RHOJ: variants seen among roughly 807,000 people sequenced by gnomAD.
RHOJ encodes rho-related GTP-binding protein RhoJ.
RHOJ carries 11 observed loss-of-function variants against 23.4 expected under a neutral mutation model. The observed-to-expected ratio is 0.47, with a 90% confidence interval of 0.30 to 0.78. RHOJ has a LOEUF of 0.78. Ranked by LOEUF, RHOJ falls within the 30% of genes least tolerant of loss-of-function variation. RHOJ has a pLI of 0.08. For missense variants in RHOJ, 254 were observed against 273.4 expected, an observed-to-expected ratio of 0.93 and a Z score of 0.50; for synonymous variants, 102 against 102.7, an observed-to-expected ratio of 0.99 and a Z score of 0.04.
intron 4 of RHOJ, among the ~76,000 whole-genome samples, chr14:63,289,183 A>T (rs1882173957): frequency 6.6e-6 from 1 of 152,210 alleles, no homozygotes; most frequent in Admixed American, 6.5e-5. Flanking sequence ...GCCCATGGTA[A>T]ATAGTTCATA....
chr14:63,204,740 A>G lies in RHOJ; in HGVS notation c.-130A>G. 1 of 843,538 alleles carries G rather than the reference A, an allele frequency of 1.2e-6. No homozygotes were observed. Among genetic ancestry groups the G allele is most frequent in the African/African-American group, 1.7e-5 (1 of 59,428 alleles). The allele number at this position is 843,538 out of a possible 1,614,324, so 52.3% of individuals were successfully genotyped here. A position where few individuals can be genotyped will look rare whatever the true frequency, so the allele number is the denominator to read the frequency against. On this transcript the variant is annotated 5_prime_UTR_variant, in exon 1 of 5. An upstream start codon of the reference 5' UTR is lost. Coordinates refer to ENST00000316754, the MANE Select transcript of RHOJ (RefSeq NM_020663.5). ...ATATCCCAGCCTCGGACATGTCTGT[A>G]TGATCCAAGGTACCCAAAGTCAGAC...
chr14:63,233,990 A>G (rs1894742414), intron 1 of RHOJ, among the ~76,000 whole-genome samples: 1 of 152,228 alleles, frequency 6.6e-6, no homozygotes, highest in African/African-American at 2.4e-5. Flanking sequence ...CACCCAAGTG[A>G]ACCCTGGGAT....
intron 1 of RHOJ, among the ~76,000 whole-genome samples, chr14:63,216,705 A>G (rs1019025026): frequency 2.0e-5 from 3 of 152,228 alleles, no homozygotes; most frequent in African/African-American, 7.2e-5. Context: ...AGAGTTTTCC[A>G]TAGTAAACAC....
intron 1 of RHOJ, among the ~76,000 whole-genome samples, chr14:63,225,977 A>G (rs1894587701): frequency 6.6e-6 from 1 of 152,186 alleles, no homozygotes; most frequent in Non-Finnish European, 1.5e-5. Context: ...GTAACAATTG[A>G]AAGTATCAGC....
intron 1 of RHOJ, among the ~76,000 whole-genome samples, chr14:63,252,664 C>G (rs1009635742): frequency 6.6e-6 from 1 of 152,142 alleles, no homozygotes; most frequent in Non-Finnish European, 1.5e-5. Flanking sequence ...GTCCCCCAAT[C>G]CCCCATACCC....
intron 1 of RHOJ, among the ~76,000 whole-genome samples, chr14:63,264,852 T>G (rs1360443542): frequency 6.6e-6 from 1 of 152,140 alleles, no homozygotes; most frequent in Non-Finnish European, 1.5e-5. Flanking sequence ...ATGTCTTTAT[T>G]AAAAAGTTTT....
At chr14:63,254,354 A>C (rs11158481) in intron 1 of RHOJ, among the ~76,000 whole-genome samples, 152,199 of 152,268 alleles carry the variant, frequency 1, 76,065 homozygotes, top group Non-Finnish European at 1. Flanking sequence ...TCCACAACTC[A>C]CTTCCAGTCC....
At chr14:63,254,186 T>C (rs1895122022) in intron 1 of RHOJ, among the ~76,000 whole-genome samples, 1 of 152,198 alleles carries the variant, frequency 6.6e-6, no homozygotes, top group Non-Finnish European at 1.5e-5. Flanking sequence ...CATCACTGTC[T>C]ATCTTGGAGT....
intron 2 of RHOJ, among the ~76,000 whole-genome samples, chr14:63,272,910 C>T (rs949434281): frequency 2.6e-5 from 4 of 152,142 alleles, no homozygotes; most frequent in Non-Finnish European, 5.9e-5. Flanking sequence ...GTAATCCCAG[C>T]TACTTGGGGG....
chr14:63,220,477 C>G (rs1039760704), intron 1 of RHOJ, among the ~76,000 whole-genome samples: 1 of 151,036 alleles, frequency 6.6e-6, no homozygotes, highest in East Asian at 1.9e-4. Context: ...TAGTTGGTTA[C>G]GTTAAATAGA....
intron 1 of RHOJ, among the ~76,000 whole-genome samples, chr14:63,258,349 G>T (rs1373622548): frequency 2.6e-5 from 4 of 151,824 alleles, no homozygotes; most frequent in Non-Finnish European, 4.4e-5. Context: ...AGCCTTGACA[G>T]TGTCATACTT....
At chr14:63,213,283 T>G (rs1259428640) in intron 1 of RHOJ, among the ~76,000 whole-genome samples, 4 of 152,198 alleles carry the variant, frequency 2.6e-5, no homozygotes, top group African/African-American at 9.7e-5. Context: ...CTTGCCCTCT[T>G]CCTTCCCTTC....
intron 1 of RHOJ, among the ~76,000 whole-genome samples, chr14:63,241,016 G>A (rs1331216607): frequency 3.3e-5 from 5 of 152,170 alleles, no homozygotes; most frequent in African/African-American, 9.7e-5. Flanking sequence ...TCTCCCCAGA[G>A]AGCTCAGGAG....
intron 1 of RHOJ, among the ~76,000 whole-genome samples, chr14:63,257,572 T>C (rs969299689): frequency 2.0e-5 from 3 of 150,058 alleles, no homozygotes; most frequent in African/African-American, 7.4e-5. Context: ...ACCAGCCCCT[T>C]CTTCTCAGGA....
At chr14:63,249,300 T>C (rs1324805746) in intron 1 of RHOJ, among the ~76,000 whole-genome samples, 3 of 152,230 alleles carry the variant, frequency 2.0e-5, no homozygotes, top group Admixed American at 1.3e-4. Context: ...AACAAGTGCA[T>C]AGTCTTGGGA....
At position 63,269,138 on chromosome 14, in the gene RHOJ, C is replaced by T. The variant is rs1318553300; in HGVS notation, c.207C>T (p.His69=). The change falls in exon 2 of 5, where the codon CAC becomes CAT. Residue 69 remains histidine, a synonymous_variant. Coordinates refer to ENST00000316754, the MANE Select transcript of RHOJ (RefSeq NM_020663.5). ...CTGTGACTGTGGGAGGCAAGCAACA[C>T]TTGCTCGGACTGTATGACACCGCGG... ...AVTVTVGGKQ[H]LLGLYDTAGQ... is the part of the protein sequence containing the mutation. 26 of 1,613,422 alleles carry T rather than the reference C, an allele frequency of 1.6e-5. No individual in the cohort carries two copies. The highest frequency in any genetic ancestry group is 2.1e-5 in the Non-Finnish European group (25 of 1,179,428).
At chr14:63,205,096 G>C (rs755446702) in intron 1 of RHOJ, 49 bp downstream of exon 1, 1 of 1,575,114 alleles carries the variant, frequency 6.3e-7, no homozygotes, top group Non-Finnish European at 8.6e-7. Context: ...GATGCAGGGG[G>C]CGAGACCCTA....
chr14:63,222,356 G>C (rs1894513496), intron 1 of RHOJ, among the ~76,000 whole-genome samples: 1 of 152,058 alleles, frequency 6.6e-6, no homozygotes, highest in Non-Finnish European at 1.5e-5. Flanking sequence ...GGGATGGCTG[G>C]GTCAAATGGT....
At chr14:63,233,423 T>G (rs1594758632) in intron 1 of RHOJ, among the ~76,000 whole-genome samples, 2 of 152,268 alleles carry the variant, frequency 1.3e-5, no homozygotes, top group South Asian at 4.1e-4. Context: ...ATGGATGAAT[T>G]GTGTGGTATG....
Sources: allele counts gnomAD v4.1 joint callset (sites outside exome capture counted in the v4.1 genomes callset), GRCh38; gene constraint gnomAD v4.1.1; transcripts MANE v1.5; gene names NCBI Gene and HGNC (gene_info 2026-07-23, HGNC 2026-07-21).